The following PCDHA11 variants were observed in gnomAD, a reference collection of about 807,000 sequenced individuals.
PCDHA11 encodes protocadherin alpha-11.
Under a neutral mutation model 70.3 loss-of-function variants are expected in PCDHA11, and 61 were observed. The ratio of observed to expected loss-of-function variants is 0.87; its 90% CI spans 0.71 to 1.07. The LOEUF (loss-of-function observed/expected upper bound fraction) is 1.07. PCDHA11 is among the 50% of genes least tolerant of loss of function. The probability of loss-of-function intolerance (pLI) is 0.00; values close to 1 mark genes in which losing one functional copy is unlikely to be tolerated. For missense variants in PCDHA11, 1,324 were observed against 1,237.5 expected, an observed-to-expected ratio of 1.07 and a Z score of -1.05; for synonymous variants, 633 against 555.1, an observed-to-expected ratio of 1.14 and a Z score of -1.97.
chr5:140,943,006 C>A (rs1314561126), intron 1 of PCDHA11, among the ~76,000 whole-genome samples: 2 of 151,932 alleles, frequency 1.3e-5, no homozygotes, highest in East Asian at 3.9e-4. Flanking sequence ...CCTGTAATCC[C>A]AGCACTTTGG....
chr5:140,905,342 TGTAA>T (rs2071759657), intron 1 of PCDHA11, among the ~76,000 whole-genome samples: 1 of 152,234 alleles, frequency 6.6e-6, no homozygotes, highest in Non-Finnish European at 1.5e-5. Context: ...ATCAGTTGGC[TGTAA>T]GTATTTGACT....
At chr5:140,958,905 A>G (rs1295198062) in intron 1 of PCDHA11, among the ~76,000 whole-genome samples, 1 of 149,390 alleles carries the variant, frequency 6.7e-6, no homozygotes, top group Non-Finnish European at 1.5e-5. Flanking sequence ...AGATACAGAA[A>G]AGTCTGCCTG....
chr5:140,937,805 G>T (rs1192616946), intron 1 of PCDHA11, among the ~76,000 whole-genome samples: 1 of 149,924 alleles, frequency 6.7e-6, no homozygotes, highest in Admixed American at 6.6e-5. Flanking sequence ...CCAGCTACTC[G>T]GGAAGCTGAG....
intron 1 of PCDHA11, chr5:140,881,444 A>C (rs2058716592): frequency 1.2e-6 from 1 of 800,270 alleles, no homozygotes; most frequent in African/African-American, 1.9e-5. Context: ...ATAAAAACAG[A>C]ATCCAAAACC....
chr5:140,882,283 G>A (rs1554173377), intron 1 of PCDHA11: 2 of 1,612,834 alleles, frequency 1.2e-6, no homozygotes, highest in South Asian at 1.1e-5. Flanking sequence ...TGTCTTCCTG[G>A]CAAGGAGGCC....
intron 1 of PCDHA11, among the ~76,000 whole-genome samples, chr5:140,972,097 T>C (rs1554233843): frequency 1.3e-5 from 2 of 152,196 alleles, no homozygotes; most frequent in South Asian, 2.1e-4. Context: ...ATTTCTGGCA[T>C]AGAAGCAGGT....
intron 1 of PCDHA11, among the ~76,000 whole-genome samples, chr5:140,896,747 G>C (rs1162214018): frequency 1.3e-5 from 2 of 152,070 alleles, no homozygotes; most frequent in Admixed American, 1.3e-4. Context: ...ATAGATTCTG[G>C]ATATTAGACC....
chr5:140,981,698 A>C (rs1414640370), intron 2 of PCDHA11, among the ~76,000 whole-genome samples: 1 of 151,174 alleles, frequency 6.6e-6, no homozygotes, highest in Non-Finnish European at 1.5e-5. Context: ...TCATTCATTC[A>C]TTCATTCATT....
chr5:140,943,305 CATT>C (rs1322564942), intron 1 of PCDHA11, among the ~76,000 whole-genome samples: 13 of 146,998 alleles, frequency 8.8e-5, no homozygotes, highest in African/African-American at 3.0e-4. Flanking sequence ...TTTGGGAAGT[CATT>C]ATTAGCAATA....
At position 140,869,896 on chromosome 5, in the gene PCDHA11, A is replaced by T. The variant is rs781921753; in HGVS notation, c.793A>T (p.Asn265Tyr). 7 of 1,610,768 alleles carry T rather than the reference A, an allele frequency of 4.3e-6. No homozygotes were observed. Among genetic ancestry groups the T allele is most frequent in the Non-Finnish European group, 4.2e-6 (5 of 1,178,284 alleles). The change falls in exon 1 of 4, where the codon AAC becomes TAC. Residue 265 changes from asparagine (N) to tyrosine (Y), a missense_variant. Asn to Tyr is a moderately radical substitution (Grantham distance 143). Transcript: ENST00000398640. ...AAKETLVLKLNATDRDEGVNG... is the reference protein window; with the variant it reads ...AAKETLVLKLYATDRDEGVNG... Reference sequence around the variant, plus strand: ...TAAAGAAACTCTTGTGCTCAAACTAAACGCCACAGACCGAGACGAAGGAGT... The same window carrying T: ...TAAAGAAACTCTTGTGCTCAAACTATACGCCACAGACCGAGACGAAGGAGT...
At chr5:140,881,392 A>G (rs2058698624) in intron 1 of PCDHA11, 2 of 979,256 alleles carry the variant, frequency 2.0e-6, no homozygotes. Context: ...CGGTAAGTTA[A>G]ATTCTATTAA....
At chr5:140,899,251 G>A (rs1322090098) in intron 1 of PCDHA11, among the ~76,000 whole-genome samples, 1 of 152,082 alleles carries the variant, frequency 6.6e-6, no homozygotes, top group Non-Finnish European at 1.5e-5. Flanking sequence ...GTGAGAGAGG[G>A]CATCCCTGTC....
At chr5:140,898,059 G>C (rs372963837) in intron 1 of PCDHA11, among the ~76,000 whole-genome samples, 2 of 151,948 alleles carry the variant, frequency 1.3e-5, no homozygotes, top group Non-Finnish European at 1.5e-5. Flanking sequence ...TTGTAAATTT[G>C]TTTGAGTTCA....
intron 1 of PCDHA11, among the ~76,000 whole-genome samples, chr5:140,950,427 C>T (rs393858): frequency 0.56 from 85,078 of 151,138 alleles, 24,477 homozygotes; most frequent in African/African-American, 0.69. Flanking sequence ...TTTTCTTCCA[C>T]TTAAAAAAAA....
intron 1 of PCDHA11, among the ~76,000 whole-genome samples, chr5:140,934,650 T>C (rs2089969846): frequency 6.6e-6 from 1 of 152,134 alleles, no homozygotes; most frequent in East Asian, 1.9e-4. Flanking sequence ...GATAAATGTT[T>C]GATTCTTCCC....
chr5:140,913,138 T>C (rs1367874502), intron 1 of PCDHA11, among the ~76,000 whole-genome samples: 1 of 152,204 alleles, frequency 6.6e-6, no homozygotes, highest in East Asian at 1.9e-4. Flanking sequence ...CTCTACTTTT[T>C]GGAATAGTTT....
intron 1 of PCDHA11, chr5:140,883,169 G>C (rs1554177001): frequency 6.2e-7 from 1 of 1,613,950 alleles, no homozygotes; most frequent in Admixed American, 1.7e-5. Flanking sequence ...GAACAATGGA[G>C]AAATTAGGAC....
rs1554163617 is a variant in PCDHA11, at chr5:140,869,928, A to G, written c.825A>G (p.Gly275=). Residue 275 remains glycine, a synonymous_variant, in exon 1 of 4, where the codon GGA becomes GGG. Coordinates refer to ENST00000398640, the MANE Select transcript of PCDHA11 (RefSeq NM_018902.5). ...CAGACCGAGACGAAGGAGTCAATGGAGAGGTAACATACTCCTTAATGTCAA... is the reference window on the plus strand; with the variant it reads ...CAGACCGAGACGAAGGAGTCAATGGGGAGGTAACATACTCCTTAATGTCAA... ...NATDRDEGVN[G]EVTYSLMSIK... 1 of 1,611,726 alleles carries G rather than the reference A, an allele frequency of 6.2e-7. No homozygotes were observed. Among genetic ancestry groups the G allele is most frequent in the Middle Eastern group, 1.6e-4 (1 of 6,062 alleles).
rs377081112 is a variant in PCDHA11 at position 140,871,063 on chromosome 5, G to C, written c.1960G>C (p.Gly654Arg). Residue 654 changes from glycine (G) to arginine (R), a missense_variant, in exon 1 of 4, where the codon GGT becomes CGT. Coordinates refer to ENST00000398640, the MANE Select transcript of PCDHA11 (RefSeq NM_018902.5). ...HRLLVLVKDH[G>R]EPALTATATV... ...ACTTCTAGTACTGGTGAAGGATCAC[G>C]GTGAGCCGGCGCTGACGGCCACGGC... The C allele has an allele frequency of 2.7e-5, 43 of 1,613,154 alleles. 1 individual carries two copies. The South Asian group carries it at 4.5e-4, about 17-fold the overall frequency.
Sources: gnomAD v4.1 joint callset for allele counts (sites outside exome capture counted in the v4.1 genomes callset) on GRCh38, gnomAD v4.1.1 for gene constraint, MANE v1.5 for transcripts, NCBI Gene and HGNC (gene_info 2026-07-23, HGNC 2026-07-21) for gene names.